PCOLCE2: variants seen among roughly 807,000 people sequenced by gnomAD.
PCOLCE2 encodes the protein procollagen C-endopeptidase enhancer 2.
A neutral mutation model predicts 47.0 loss-of-function variants in PCOLCE2; 42 were observed. The ratio of observed to expected loss-of-function variants is 0.89; its 90% CI spans 0.70 to 1.16. The LOEUF (loss-of-function observed/expected upper bound fraction) is 1.16, where lower values mean the gene tolerates loss of function less well. Among genes scored for constraint, PCOLCE2 ranks in the 50% most tolerant of loss-of-function variants. The pLI is 0.00. For missense variants in PCOLCE2, 500 were observed against 526.1 expected, an observed-to-expected ratio of 0.95 and a Z score of 0.49; for synonymous variants, 169 against 191.7, an observed-to-expected ratio of 0.88 and a Z score of 0.98.
Position 142,863,060 on chromosome 3 carries a change from C to T in PCOLCE2, c.193-14588G>A, listed in dbSNP as rs146134414. Reference sequence around the variant, plus strand: ...TTCCCATTTTTCACACCTTCTCCTACGCTGGATGCCTATCAATACTTATCA... The same window carrying T: ...TTCCCATTTTTCACACCTTCTCCTATGCTGGATGCCTATCAATACTTATCA... On this transcript the variant is annotated intron_variant, in intron 2 of 8. Coordinates refer to ENST00000295992, the MANE Select transcript of PCOLCE2 (RefSeq NM_013363.4). Among the ~76,000 whole-genome samples, 637 of 139,334 alleles carry T rather than the reference C, an allele frequency of 4.6e-3. 22 individuals are homozygous for T. The highest frequency in any genetic ancestry group is 0.04 in the Admixed American group (520 of 12,906). The allele number at this position is 139,334 out of a possible 152,430, so 91.4% of individuals were successfully genotyped here. A position where few individuals can be genotyped will look rare whatever the true frequency, so the allele number is the denominator to read the frequency against.
chr3:142,886,275 A>G (rs1221888975), intron 2 of PCOLCE2, among the ~76,000 whole-genome samples: 2 of 152,216 alleles, frequency 1.3e-5, no homozygotes, highest in Non-Finnish European at 2.9e-5. Context: ...CGCAATACTC[A>G]GAACACATGG....
chr3:142,880,088 A>AT (rs1933582448), intron 2 of PCOLCE2, among the ~76,000 whole-genome samples: 1 of 150,884 alleles, frequency 6.6e-6, no homozygotes, highest in South Asian at 2.1e-4. Flanking sequence ...TATCCCATTC[A>AT]TATAGCCTTG....
intron 2 of PCOLCE2, among the ~76,000 whole-genome samples, chr3:142,878,276 T>C (rs1933539348): frequency 6.6e-6 from 1 of 152,186 alleles, no homozygotes; most frequent in South Asian, 2.1e-4. Flanking sequence ...TCTGTGGGTG[T>C]TCCATTTATT....
chr3:142,885,546 A>G (rs1427428528), intron 2 of PCOLCE2, among the ~76,000 whole-genome samples: 1 of 152,214 alleles, frequency 6.6e-6, no homozygotes, highest in Non-Finnish European at 1.5e-5. Context: ...AGGGAGACAG[A>G]GCCTGGTGCA....
At chr3:142,888,715 C>G (rs966587187) in intron 1 of PCOLCE2, 99 bp downstream of exon 1, 2 of 710,316 alleles carry the variant, frequency 2.8e-6, no homozygotes, top group Middle Eastern at 6.2e-4. Context: ...GCTGGGTCAC[C>G]CAGGCGCGCC....
chr3:142,832,490 T>C (rs554133675), intron 5 of PCOLCE2, among the ~76,000 whole-genome samples: 17 of 152,276 alleles, frequency 1.1e-4, no homozygotes, highest in Non-Finnish European at 1.6e-4. Flanking sequence ...GGGATGAGCT[T>C]GTCCTCCCTG....
intron 2 of PCOLCE2, among the ~76,000 whole-genome samples, chr3:142,867,354 TG>T (rs1442775196): frequency 1.3e-5 from 2 of 152,190 alleles, no homozygotes; most frequent in East Asian, 3.8e-4. Flanking sequence ...TTTGCAATCT[TG>T]GGTAGCAAGA....
chr3:142,839,043 G>T, intron 4 of PCOLCE2, 137 bp from the exon 5 acceptor site: 3 of 575,990 alleles, frequency 5.2e-6, no homozygotes, highest in Non-Finnish European at 8.8e-6. Context: ...AGTGCTTTTT[G>T]TTGCATATTT....
chr3:142,874,885 C>G (rs930628337), intron 2 of PCOLCE2, among the ~76,000 whole-genome samples: 1 of 152,152 alleles, frequency 6.6e-6, no homozygotes, highest in South Asian at 2.1e-4. Context: ...AAGTGGACAT[C>G]AGGTGTGTAC....
intron 2 of PCOLCE2, 91 bp from the exon 3 acceptor site, chr3:142,848,563 A>C: frequency 8.9e-7 from 1 of 1,123,476 alleles, no homozygotes; most frequent in Non-Finnish European, 1.3e-6. Context: ...GTAAAGTATA[A>C]TATCCAAGAT....
chr3:142,834,219 G>GT (rs1183119515), intron 5 of PCOLCE2, among the ~76,000 whole-genome samples: 1 of 152,126 alleles, frequency 6.6e-6, no homozygotes, highest in Non-Finnish European at 1.5e-5. Context: ...TCCATACATG[G>GT]TAAAGCAAGT....
Position 142,818,212 on chromosome 3 carries a change from G to A in PCOLCE2, c.*123C>T. On this transcript the variant is annotated 3_prime_UTR_variant, in exon 9 of 9. Coordinates refer to ENST00000295992, the MANE Select transcript of PCOLCE2 (RefSeq NM_013363.4). ...CCTCCATCATGTGAAGAGTCAACCA[G>A]TCCCATCTTTCGGAATCCTCTTTCA... 1.1e-6 allele frequency: 1 copy of A among 919,738 alleles called. No individual in the cohort carries two copies. Among genetic ancestry groups the A allele is most frequent in the Non-Finnish European group, 1.7e-6 (1 of 601,840 alleles). 57.0% of individuals were successfully genotyped at this position (919,738 alleles called of 1,614,324 possible). A position where few individuals can be genotyped will look rare whatever the true frequency, so the allele number is the denominator to read the frequency against.
chr3:142,821,903 A>G (rs1937019969), intron 7 of PCOLCE2, among the ~76,000 whole-genome samples: 1 of 151,678 alleles, frequency 6.6e-6, no homozygotes, highest in Admixed American at 6.6e-5. Flanking sequence ...TGCACTGAAT[A>G]CAGTTTTTTT....
chr3:142,835,601 A>G (rs539212078), intron 5 of PCOLCE2, among the ~76,000 whole-genome samples: 2 of 152,292 alleles, frequency 1.3e-5, no homozygotes, highest in Non-Finnish European at 2.9e-5. Context: ...ATATACCTAT[A>G]TATATCTAGA....
At chr3:142,856,623 A>C (rs1302367596) in intron 2 of PCOLCE2, among the ~76,000 whole-genome samples, 1 of 152,224 alleles carries the variant, frequency 6.6e-6, no homozygotes, top group Non-Finnish European at 1.5e-5. Context: ...AGAAGCAGGA[A>C]GGCTAAGGTA....
At chr3:142,873,996 G>A (rs1485516825) in intron 2 of PCOLCE2, among the ~76,000 whole-genome samples, 1 of 152,196 alleles carries the variant, frequency 6.6e-6, no homozygotes, top group Non-Finnish European at 1.5e-5. Flanking sequence ...AGCCTGGTGG[G>A]AGGTGACTGG....
chr3:142,859,008 G>A (rs774927631), intron 2 of PCOLCE2, among the ~76,000 whole-genome samples: 70 of 151,948 alleles, frequency 4.6e-4, no homozygotes, highest in Admixed American at 3.1e-3. Context: ...AAAAGCTGAG[G>A]GAGACCTTTC....
At chr3:142,838,662 A>C in intron 5 of PCOLCE2, 108 bp downstream of exon 5, 1 of 999,124 alleles carries the variant, frequency 1.0e-6, no homozygotes, top group Non-Finnish European at 1.5e-6. Context: ...AATTTAACAA[A>C]ACAACAACAA....
rs79272289 is a variant in PCOLCE2, at chr3:142,867,636, G to A, written c.193-19164C>T. Among the ~76,000 whole-genome samples the A allele has an allele frequency of 1.1e-4, 17 of 151,818 alleles. No individual in the cohort carries two copies. In the East Asian group the frequency reaches 3.3e-3, roughly 29 times the overall value. ...GAGTTCAATCTTATTAGCCATCAGG[G>A]AAATGACAACTAAAATCACAACGTG... On this transcript the variant is annotated intron_variant, in intron 2 of 8. Coordinates refer to ENST00000295992, the MANE Select transcript of PCOLCE2 (RefSeq NM_013363.4).
Sources: allele counts gnomAD v4.1 joint callset (sites outside exome capture counted in the v4.1 genomes callset), GRCh38; gene constraint gnomAD v4.1.1; transcripts MANE v1.5; gene names NCBI Gene and HGNC (gene_info 2026-07-23, HGNC 2026-07-21).